Variants in TTLL4 observed in about 807,000 individuals in gnomAD.
TTLL4 encodes tubulin monoglutamylase TTLL4.
In TTLL4, 85 loss-of-function variants were observed where a neutral mutation model predicts 122.7. The ratio of observed to expected loss-of-function variants is 0.69; its 90% CI spans 0.58 to 0.83. TTLL4 has a LOEUF of 0.83. TTLL4 is among the 40% of genes least tolerant of loss of function. The pLI is 0.00. For missense variants in TTLL4, 1,363 were observed against 1,488.6 expected, an observed-to-expected ratio of 0.92 and a Z score of 1.39; for synonymous variants, 553 against 563.0, an observed-to-expected ratio of 0.98 and a Z score of 0.25.
intron 1 of TTLL4, among the ~76,000 whole-genome samples, chr2:218,718,727 G>A (rs1213258336): frequency 1.3e-5 from 2 of 152,192 alleles, no homozygotes; most frequent in East Asian, 3.9e-4. Context: ...CTCCTTTAAG[G>A]AGGAAACTTG....
In TTLL4 at chr2:218,747,358, C is replaced by T. The variant is rs746974973; in HGVS notation, c.2235C>T (p.Pro745=). The T allele has an allele frequency of 8.1e-6, 13 of 1,614,154 alleles. No individual in the cohort carries two copies. Among genetic ancestry groups the T allele is most frequent in the Non-Finnish European group, 1.1e-5 (13 of 1,180,036 alleles). The change falls in exon 10 of 20, where the codon CCC becomes CCT. Residue 745 remains proline, a synonymous_variant. Transcript: ENST00000392102. This position sits in a 1 kb window ranked among gnomAD's most constrained non-coding sequence, Gnocchi z 4.7. ...HKWSQLPKRR[P]LLVQRYLHKP... The stretch of plus-strand genomic sequence containing the variant: ...GGAGTCAGCTCCCCAAGCGAAGGCC[C>T]CTCCTGGTACAGAGGTGAGCCTGTA...
At chr2:218,749,464 G>GTT in intron 14 of TTLL4, 77 bp downstream of exon 14, 1 of 1,424,652 alleles carries the variant, frequency 7.0e-7, no homozygotes, top group South Asian at 1.4e-5. Context: ...CCAGTAAGTT[G>GTT]TTCTTTTTTT....
In TTLL4 at chr2:218,752,880, T is replaced by C; in HGVS notation, c.3094T>C (p.Ser1032Pro). ...QFERIFPSHI[S>P]SRYLRFFEQP... ...TGAACGAATTTTTCCTTCTCATATCTCCTCTCGCTATCTCCGCTTTTTTGA... is the reference window on the plus strand; with the variant it reads ...TGAACGAATTTTTCCTTCTCATATCCCCTCTCGCTATCTCCGCTTTTTTGA... Residue 1032 changes from serine (S) to proline (P), a missense_variant, in exon 17 of 20, where the codon TCC becomes CCC. By Grantham distance (74) the Ser-to-Pro change is moderately conservative. This residue lies in a region of TTLL4 where 596 missense variants were observed against 655.8 expected (regional missense o/e 0.91). Transcript: ENST00000392102. 6.2e-7 allele frequency: 1 copy of C among 1,614,184 alleles called. No homozygotes were observed. The highest frequency in any genetic ancestry group is 8.5e-7 in the Non-Finnish European group (1 of 1,180,040).
intron 2 of TTLL4, among the ~76,000 whole-genome samples, chr2:218,730,018 A>G (rs186282639): frequency 1.4e-3 from 215 of 152,314 alleles, no homozygotes; most frequent in African/African-American, 4.8e-3. Context: ...TATTGGGATT[A>G]CAGGCGTGAG....
chr2:218,717,936 C>T (rs1286389797), intron 1 of TTLL4, among the ~76,000 whole-genome samples: 1 of 151,940 alleles, frequency 6.6e-6, no homozygotes, highest in African/African-American at 2.4e-5. Context: ...GTAGCTGGGA[C>T]TGCAGGCGTC....
At chr2:218,718,932 G>T (rs1405270422) in intron 1 of TTLL4, among the ~76,000 whole-genome samples, 2 of 152,086 alleles carry the variant, frequency 1.3e-5, no homozygotes, top group Non-Finnish European at 2.9e-5. Context: ...TTGGAGACTG[G>T]GCTGAGGCAG....
chr2:218,758,188 A>G (rs374650258), downstream of TTLL4, among the ~76,000 whole-genome samples: 157 of 152,362 alleles, frequency 1.0e-3, 1 homozygote, highest in African/African-American at 3.6e-3. Context: ...AGAAGGGTCA[A>G]TAGCAGGTGG....
intron 1 of TTLL4, among the ~76,000 whole-genome samples, chr2:218,718,069 G>A (rs1356368462): frequency 2.0e-5 from 3 of 152,322 alleles, no homozygotes; most frequent in African/African-American, 7.2e-5. Context: ...GATTACAGGC[G>A]TGAGCCTGTC....
chr2:218,740,362 C>T (rs1942665272), intron 4 of TTLL4, among the ~76,000 whole-genome samples, 159 bp from the exon 5 acceptor site: 1 of 152,192 alleles, frequency 6.6e-6, no homozygotes, highest in Admixed American at 6.5e-5. Context: ...TACCTTCCCG[C>T]TGCTTCTGTT....
At position 218,729,769 on chromosome 2, in the gene TTLL4, A is replaced by AC. The variant is rs1559361977; in HGVS notation, c.-99+2422_-99+2423insC. Among the ~76,000 whole-genome samples, 926 of 151,140 alleles carry AC rather than the reference A, an allele frequency of 6.1e-3. 12 individuals carry two copies. Among genetic ancestry groups the AC allele is most frequent in the African/African-American group, 0.021 (845 of 41,066 alleles). On this transcript the variant is annotated intron_variant, in intron 2 of 19. Coordinates refer to ENST00000392102, the MANE Select transcript of TTLL4 (RefSeq NM_014640.5). The stretch of plus-strand genomic sequence containing the variant: ...TTTTTAAAAAAAAAAAAAACAAAAA[A>AC]AAAAAAAACAGGATCTTATTCTGTC...
Position 218,739,116 on chromosome 2 carries a change from G to A in TTLL4, c.1440G>A (p.Glu480=). The A allele has an allele frequency of 6.2e-7, 1 of 1,614,074 alleles. No homozygotes were observed. The highest frequency in any genetic ancestry group is 8.5e-7 in the Non-Finnish European group (1 of 1,180,050). Residue 480 remains glutamate (E), a synonymous_variant, in exon 3 of 20, where the codon GAG becomes GAA. Coordinates refer to ENST00000392102, the MANE Select transcript of TTLL4 (RefSeq NM_014640.5). ...SSIQLGQSEK[E]RPEEARELDS... is the part of the protein sequence containing the mutation. ...TCCAGCTGGGCCAGTCTGAGAAGGA[G>A]AGACCTGAGGAGGCCAGGGAGCTGG...
chr2:218,735,967 CTTTTTTTT>C (rs765207077), intron 2 of TTLL4, among the ~76,000 whole-genome samples: 9 of 79,962 alleles, frequency 1.1e-4, no homozygotes, highest in East Asian at 2.9e-4. Context: ...CGTGCCCAGC[CTTTTTTTT>C]TTTTTTTTTT....
intron 13 of TTLL4, 126 bp downstream of exon 13, chr2:218,749,060 A>G (rs1942942258): frequency 1.6e-6 from 2 of 1,252,624 alleles, no homozygotes; most frequent in African/African-American, 3.0e-5. Flanking sequence ...GAGAATAGGA[A>G]GGAGTGGCCA....
In TTLL4 at chr2:218,751,905, T is replaced by C. The variant is rs28375885; in HGVS notation, c.2976+99T>C. ...AGCTTTTCTTTTTTTTTTTCTTTTC[T>C]TTTTCTTTTTTTTTTTTTTGAGATA... On this transcript the variant is annotated intron_variant, in intron 16 of 19. Coordinates refer to ENST00000392102, the MANE Select transcript of TTLL4 (RefSeq NM_014640.5). 14 of 512,126 alleles carry C rather than the reference T, an allele frequency of 2.7e-5. No homozygotes were observed. In the South Asian group the frequency reaches 3.8e-4, roughly 14 times the overall value. The allele number at this position is 512,126 out of a possible 1,614,324, so 31.7% of individuals were successfully genotyped here.
chr2:218,737,859 G>A lies in TTLL4; in HGVS notation c.183G>A (p.Glu61=). 2.5e-6 allele frequency: 4 copies of A among 1,614,256 alleles called. No individual in the cohort carries two copies. Among genetic ancestry groups the A allele is most frequent in the Non-Finnish European group, 3.4e-6 (4 of 1,180,044 alleles). Residue 61 remains glutamate (E), a synonymous_variant, in exon 3 of 20, where the codon GAG becomes GAA. Coordinates refer to ENST00000392102, the MANE Select transcript of TTLL4 (RefSeq NM_014640.5). Reference sequence around the variant, plus strand: ...GGAAGCTGGAAAAGAAGCAAGTGGAGACACTGTCAGCAGGGTTGGGCCCAG... The same window carrying A: ...GGAAGCTGGAAAAGAAGCAAGTGGAAACACTGTCAGCAGGGTTGGGCCCAG... ...PIWKLEKKQV[E]TLSAGLGPGL...
intron 16 of TTLL4, 109 bp from the exon 17 acceptor site, chr2:218,752,654 C>A: frequency 1.7e-6 from 2 of 1,153,926 alleles, no homozygotes; most frequent in East Asian, 2.4e-5. Context: ...ATGAGAGTCC[C>A]GGAGCTGTAG....
intron 5 of TTLL4, among the ~76,000 whole-genome samples, chr2:218,743,868 G>GGGGTT (rs1329170757): frequency 6.6e-6 from 1 of 151,974 alleles, no homozygotes; most frequent in African/African-American, 2.4e-5. Context: ...TAGTAGAGAC[G>GGGGTT]GGGTTTCCCC....
At chr2:218,753,917 T>A (rs1055085536) in intron 19 of TTLL4, among the ~76,000 whole-genome samples, 3 of 152,292 alleles carry the variant, frequency 2.0e-5, no homozygotes, top group East Asian at 3.9e-4. Flanking sequence ...TGTGGGAAAT[T>A]GTTAGCCCTC....
intron 6 of TTLL4, 69 bp downstream of exon 6, chr2:218,745,302 A>C: frequency 6.3e-7 from 1 of 1,599,920 alleles, no homozygotes. Flanking sequence ...AGTTGGGAGG[A>C]GGTGGCAGTA....
Sources: allele counts gnomAD v4.1 joint callset (sites outside exome capture counted in the v4.1 genomes callset), GRCh38; gene constraint gnomAD v4.1.1; regional missense constraint gnomAD v4.1.1; non-coding constraint Gnocchi (gnomAD v3.1); transcripts MANE v1.5; gene names NCBI Gene and HGNC (gene_info 2026-07-23, HGNC 2026-07-21).